ADAMTSL1: variants seen among roughly 807,000 people sequenced by gnomAD.
ADAMTSL1 encodes ADAMTS-like protein 1.
ADAMTSL1 carries 126 observed loss-of-function variants against 201.8 expected under a neutral mutation model. The observed-to-expected ratio is 0.62, with a 90% confidence interval of 0.54 to 0.72. ADAMTSL1 has a LOEUF of 0.72. ADAMTSL1 is among the 30% of genes least tolerant of loss of function. ADAMTSL1 has a pLI of 0.00. For missense variants in ADAMTSL1, 2,679 were observed against 2,277.8 expected, an observed-to-expected ratio of 1.18 and a Z score of -3.59; for synonymous variants, 1,121 against 903.4, an observed-to-expected ratio of 1.24 and a Z score of -4.32.
At chr9:18,614,746 G>A (rs776335254) in intron 4 of ADAMTSL1, among the ~76,000 whole-genome samples, 1 of 152,120 alleles carries the variant, frequency 6.6e-6, no homozygotes, top group Non-Finnish European at 1.5e-5. Flanking sequence ...ATAACAGCCA[G>A]CGTAATGCCT....
At chr9:18,480,158 A>G (rs1357809272) in intron 1 of ADAMTSL1, among the ~76,000 whole-genome samples, 3 of 152,248 alleles carry the variant, frequency 2.0e-5, no homozygotes, top group Non-Finnish European at 4.4e-5. Flanking sequence ...GGTACTTAAA[A>G]TAAACTCTCA....
chr9:18,584,455 T>C (rs370031812), intron 4 of ADAMTSL1, among the ~76,000 whole-genome samples: 40 of 152,188 alleles, frequency 2.6e-4, no homozygotes, highest in East Asian at 1.9e-3. Context: ...ATCAGCAGCA[T>C]GGAAACAGAC....
intron 1 of ADAMTSL1, among the ~76,000 whole-genome samples, chr9:18,016,348 C>T (rs1420176062): frequency 1.3e-5 from 2 of 152,020 alleles, no homozygotes; most frequent in Admixed American, 6.6e-5. Context: ...GGCCCCTCTT[C>T]TTGATGTCAG....
Position 18,684,752 on chromosome 9 carries a change from A to C in ADAMTSL1, c.1526A>C (p.Lys509Thr). The change falls in exon 13 of 29, where the codon AAA becomes ACA. Residue 509 changes from lysine (K) to threonine (T), a missense_variant. Lys to Thr is a moderately conservative substitution (Grantham distance 78, BLOSUM62 -1). Coordinates refer to ENST00000380548, the MANE Select transcript of ADAMTSL1 (RefSeq NM_001040272.6). The stretch of plus-strand genomic sequence containing the variant: ...GTCGAGGCCAAGTTGCCATGGTTCA[A>C]ACAAGCTCAAGAGCTAGAAGAAGGA... ...LPVEAKLPWFKQAQELEEGAA... is the reference protein window; with the variant it reads ...LPVEAKLPWFTQAQELEEGAA... The C allele has an allele frequency of 6.2e-7, 1 of 1,613,232 alleles. No individual in the cohort carries two copies. Among genetic ancestry groups the C allele is most frequent in the South Asian group, 1.1e-5 (1 of 90,560 alleles).
intron 1 of ADAMTSL1, among the ~76,000 whole-genome samples, chr9:18,046,007 A>G (rs1006154925): frequency 6.6e-6 from 1 of 152,198 alleles, no homozygotes; most frequent in African/African-American, 2.4e-5. Flanking sequence ...TCTGGGAGGA[A>G]GGAATCTGTT....
At chr9:18,244,922 C>G (rs1333813335) in intron 2 of ADAMTSL1, among the ~76,000 whole-genome samples, 1 of 152,138 alleles carries the variant, frequency 6.6e-6, no homozygotes, top group Non-Finnish European at 1.5e-5. Flanking sequence ...GGAGCATCTC[C>G]CATAGATTAT....
intron 1 of ADAMTSL1, among the ~76,000 whole-genome samples, chr9:18,005,128 TA>T (rs1411916250): frequency 6.6e-6 from 1 of 152,088 alleles, no homozygotes; most frequent in Admixed American, 6.6e-5. Context: ...CAAGAGCACA[TA>T]ACTGAGTTTA....
At chr9:18,889,875 C>T in intron 25 of ADAMTSL1, 127 bp downstream of exon 25, 2 of 963,598 alleles carry the variant, frequency 2.1e-6, no homozygotes, top group Non-Finnish European at 2.8e-6. Flanking sequence ...GCTGTTCTTC[C>T]CTCTAGGCAC....
intron 23 of ADAMTSL1, among the ~76,000 whole-genome samples, chr9:18,876,396 G>A (rs1288600135): frequency 6.6e-6 from 1 of 150,784 alleles, no homozygotes; most frequent in African/African-American, 2.4e-5. Context: ...GTATTTTGAG[G>A]ATTTGTTTCA....
chr9:18,569,606 G>A (rs142731297), intron 3 of ADAMTSL1, among the ~76,000 whole-genome samples: 109 of 152,256 alleles, frequency 7.2e-4, no homozygotes, highest in Admixed American at 1.4e-3. Context: ...GGGGCTGGAT[G>A]TGGGAGTCTG....
At chr9:18,291,697 GCTCTCTCTCTCTCTCTCTTT>G (rs1554651372) in intron 2 of ADAMTSL1, among the ~76,000 whole-genome samples, 56 of 132,604 alleles carry the variant, frequency 4.2e-4, no homozygotes, top group African/African-American at 1.4e-3. Context: ...GTGCGCACAT[GCTCTCTCTCTCTCTCTCTTT>G]CTCTCTCTCT....
intron 4 of ADAMTSL1, among the ~76,000 whole-genome samples, chr9:18,581,416 C>T (rs1823083458): frequency 6.6e-6 from 1 of 152,188 alleles, no homozygotes; most frequent in East Asian, 1.9e-4. Context: ...CACAATTCAA[C>T]CCATGACAGC....
chr9:18,305,357 A>G (rs1159032812), intron 2 of ADAMTSL1, among the ~76,000 whole-genome samples: 1 of 152,174 alleles, frequency 6.6e-6, no homozygotes, highest in Non-Finnish European at 1.5e-5. Flanking sequence ...GTGAGACAGA[A>G]TCGTTCACTC....
At chr9:18,481,501 GTT>G (rs79416288) in intron 1 of ADAMTSL1, among the ~76,000 whole-genome samples, 1 of 143,604 alleles carries the variant, frequency 7.0e-6, no homozygotes. Flanking sequence ...GTTGTCAAGA[GTT>G]TTTTTTTTTT....
chr9:18,562,534 C>T (rs1821586412), intron 3 of ADAMTSL1, among the ~76,000 whole-genome samples: 1 of 151,972 alleles, frequency 6.6e-6, no homozygotes. Flanking sequence ...TGTGATGTTT[C>T]CTGTATTTCC....
At chr9:18,562,900 C>G (rs2383078) in intron 3 of ADAMTSL1, among the ~76,000 whole-genome samples, 42,796 of 152,086 alleles carry the variant, frequency 0.28, 6,425 homozygotes, top group Admixed American at 0.36. Context: ...ACTGGTTATT[C>G]TAGTTAGCAT....
At chr9:17,968,361 G>T (rs997739148) in intron 1 of ADAMTSL1, among the ~76,000 whole-genome samples, 3 of 152,020 alleles carry the variant, frequency 2.0e-5, no homozygotes, top group Non-Finnish European at 2.9e-5. Context: ...AAGAACTGAG[G>T]GAATAGTATG....
At chr9:17,992,368 A>G (rs970287968) in intron 1 of ADAMTSL1, among the ~76,000 whole-genome samples, 12 of 152,158 alleles carry the variant, frequency 7.9e-5, no homozygotes, top group Admixed American at 2.0e-4. Context: ...AATATATTCA[A>G]TGCCATTCAC....
At chr9:18,818,128 C>T (rs1823978442) in intron 21 of ADAMTSL1, among the ~76,000 whole-genome samples, 1 of 152,218 alleles carries the variant, frequency 6.6e-6, no homozygotes, top group Admixed American at 6.5e-5. Context: ...GTAGACCACT[C>T]ATTTGTCATG....
Sources: gnomAD v4.1 joint callset for allele counts (sites outside exome capture counted in the v4.1 genomes callset) on GRCh38, gnomAD v4.1.1 for gene constraint, MANE v1.5 for transcripts, NCBI Gene and HGNC (gene_info 2026-07-23, HGNC 2026-07-21) for gene names.